The following EDC3 variants were observed in gnomAD, a reference collection of about 807,000 sequenced individuals.
The protein encoded by EDC3 is enhancer of mRNA decapping 3.
EDC3 carries 20 observed loss-of-function variants against 41.8 expected under a neutral mutation model. The observed-to-expected ratio is 0.48, with a 90% CI of 0.34 to 0.70. The LOEUF is 0.70. Among genes scored for constraint, EDC3 ranks in the 30% least tolerant of loss-of-function variants. EDC3 has a pLI of 0.01. For missense variants in EDC3, 444 were observed against 636.8 expected (o/e 0.70, Z 3.26); for synonymous variants, 206 against 243.2 (o/e 0.85, Z 1.42).
intron 3 of EDC3, among the ~76,000 whole-genome samples, chr15:74,662,107 C>G (rs957993697): frequency 6.6e-5 from 10 of 152,142 alleles, no homozygotes; most frequent in Non-Finnish European, 1.3e-4. Context: ...ATCATACCTA[C>G]TGATTAACTT....
intron 2 of EDC3, among the ~76,000 whole-genome samples, chr15:74,672,550 T>C (rs146158717): frequency 6.6e-6 from 1 of 152,246 alleles, no homozygotes; most frequent in Non-Finnish European, 1.5e-5. Flanking sequence ...GCACCATGGC[T>C]CATGCCTATA....
chr15:74,677,444 T>C (rs969855321), intron 1 of EDC3, among the ~76,000 whole-genome samples: 4 of 150,010 alleles, frequency 2.7e-5, no homozygotes, highest in African/African-American at 7.4e-5. Context: ...TCTCAGCTCA[T>C]TGCAGCCTCT....
At position 74,663,640 on chromosome 15, in the gene EDC3, C is replaced by T. The variant is rs148881514; in HGVS notation, c.485-7572G>A. On this transcript the variant is annotated intron_variant, in intron 3 of 6. Coordinates refer to ENST00000315127, the MANE Select transcript of EDC3 (RefSeq NM_025083.5). ...CCCAAGCGTTTTGCGTTAAGAGATA[C>T]GCAACTTTTATTTGGGAGGAGAGAG... 3.4e-4 allele frequency among the ~76,000 whole-genome samples: 50 copies of T among 148,612 alleles called. 4 individuals are homozygous for T. The South Asian group carries it at 8.8e-3, about 26-fold the overall frequency.
At position 74,671,774 on chromosome 15, in the gene EDC3, C is replaced by T; in HGVS notation, c.165G>A (p.Arg55=). ...TTTTTAACTCCGTAATGTCACCTGCCCTGAAATACACAAAAAAGCCAAGTC... is the reference window on the plus strand; with the variant it reads ...TTTTTAACTCCGTAATGTCACCTGCTCTGAAATACACAAAAAAGCCAAGTC... ...VKCLVPEVTF[R]AGDITELKIL... The change falls in exon 3 of 7, where the codon AGG becomes AGA. Residue 55 remains arginine (R), a splice_region_variant and synonymous_variant. Transcript: ENST00000315127. This position sits in a 1 kb window ranked among gnomAD's most constrained non-coding sequence, Gnocchi z 4.6. The T allele has an allele frequency of 1.9e-6, 3 of 1,611,652 alleles. No individual in the cohort carries two copies. Among genetic ancestry groups the T allele is most frequent in the Non-Finnish European group, 2.5e-6 (3 of 1,178,366 alleles).
intron 2 of EDC3, among the ~76,000 whole-genome samples, chr15:74,673,074 C>T (rs755087398): frequency 4.0e-5 from 6 of 151,884 alleles, no homozygotes; most frequent in Non-Finnish European, 8.8e-5. Flanking sequence ...TATGGTGATA[C>T]TAAAGGGACG....
At chr15:74,664,285 C>G (rs2062654191) in intron 3 of EDC3, among the ~76,000 whole-genome samples, 3 of 152,256 alleles carry the variant, frequency 2.0e-5, no homozygotes, top group Admixed American at 2.0e-4. Context: ...GCTTACTCAT[C>G]CCAAAGGGCC....
intron 2 of EDC3, among the ~76,000 whole-genome samples, chr15:74,674,445 C>CA (rs1286413588): frequency 1.3e-5 from 2 of 152,140 alleles, no homozygotes; most frequent in Admixed American, 1.3e-4. Flanking sequence ...GAGATACTGT[C>CA]AGTGAATTTG....
chr15:74,663,395 G>C (rs906930320), intron 3 of EDC3, among the ~76,000 whole-genome samples: 2 of 152,160 alleles, frequency 1.3e-5, no homozygotes, highest in African/African-American at 4.8e-5. Flanking sequence ...TAAGCAGTGC[G>C]CTAACCACTG....
chr15:74,648,091 C>G (rs992468482), intron 4 of EDC3, among the ~76,000 whole-genome samples: 1 of 152,188 alleles, frequency 6.6e-6, no homozygotes, highest in Non-Finnish European at 1.5e-5. Context: ...ACTTGATTCT[C>G]TCAATGGGAA....
chr15:74,649,788 A>G (rs1470553068), intron 4 of EDC3, among the ~76,000 whole-genome samples: 2 of 146,672 alleles, frequency 1.4e-5, no homozygotes, highest in Non-Finnish European at 3.0e-5. Context: ...ACATCTCCCT[A>G]TCCCTCATTG....
At chr15:74,673,591 C>T (rs796136593) in intron 2 of EDC3, among the ~76,000 whole-genome samples, 2 of 152,010 alleles carry the variant, frequency 1.3e-5, no homozygotes, top group African/African-American at 4.8e-5. Context: ...AATCCCAGCA[C>T]TTTGGGAGGC....
At chr15:74,668,729 T>TGAATGAAA (rs1555455855) in intron 3 of EDC3, among the ~76,000 whole-genome samples, 3 of 140,234 alleles carry the variant, frequency 2.1e-5, no homozygotes, top group Non-Finnish European at 3.0e-5. Flanking sequence ...CAAAAATGAA[T>TGAATGAAA]GAAAGAAAGA....
rs112697815 is a variant in EDC3, at chr15:74,632,799, T to C, written c.1340A>G (p.His447Arg). Residue 447 changes from histidine to arginine, a missense_variant, in exon 7 of 7, where the codon CAT (histidine) becomes CGT (arginine). Around this residue, in one of 3 missense-constraint regions of EDC3, gnomAD observed 242 missense variants for 363.8 expected, o/e 0.67. Coordinates refer to ENST00000315127, the MANE Select transcript of EDC3 (RefSeq NM_025083.5). The surrounding 1 kb of genome is among the most constrained non-coding windows in gnomAD (Gnocchi z 4.0). ...GGCATCAATGCCCTGTTCGACTTCA[T>C]GCACAGGAGGGTCTATGCTGAGTAC... ...APVLSIDPPV[H>R]EVEQGIDAKW... is the part of the protein sequence containing the mutation. The C allele has an allele frequency of 6.2e-6, 10 of 1,614,240 alleles. No individual in the cohort carries two copies. The highest frequency in any genetic ancestry group is 2.2e-5 in the South Asian group (2 of 91,088).
intron 4 of EDC3, chr15:74,644,185 A>G (rs2062386005): frequency 6.6e-6 from 1 of 152,130 alleles, no homozygotes; most frequent in African/African-American, 2.4e-5. Flanking sequence ...TGGCCTGTCT[A>G]CCTCACTACC....
chr15:74,668,051 T>C (rs1238586226), intron 3 of EDC3, among the ~76,000 whole-genome samples: 3 of 152,200 alleles, frequency 2.0e-5, no homozygotes, highest in Non-Finnish European at 4.4e-5. Context: ...ATGAAAATGG[T>C]ACTTTACCTC....
Position 74,630,711 on chromosome 15 carries a change from T to G in EDC3, c.*1901A>C, listed in dbSNP as rs1302168175. On this transcript the variant is annotated 3_prime_UTR_variant, in exon 7 of 7. Transcript: ENST00000315127. ...AGAACTGAAGACAGAGGAATCATACTTCTCTTTAATACCTCTGGGGAAGGC... is the reference window on the plus strand; with the variant it reads ...AGAACTGAAGACAGAGGAATCATACGTCTCTTTAATACCTCTGGGGAAGGC... 1 of 152,244 alleles carries G rather than the reference T, an allele frequency of 6.6e-6. No individual in the cohort carries two copies. The highest frequency in any genetic ancestry group is 6.5e-5 in the Admixed American group (1 of 15,288). 9.4% of individuals were successfully genotyped at this position (152,244 alleles called of 1,614,324 possible).
intron 3 of EDC3, among the ~76,000 whole-genome samples, chr15:74,659,490 ATAT>A (rs2062595949): frequency 3.5e-3 from 2 of 566 alleles, no homozygotes; most frequent in East Asian, 0.042. Flanking sequence ...AAATAGAAAT[ATAT>A]ATATATATAT....
intron 1 of EDC3, among the ~76,000 whole-genome samples, chr15:74,682,918 A>T (rs1239048593): frequency 2.6e-5 from 4 of 151,980 alleles, no homozygotes; most frequent in Non-Finnish European, 5.9e-5. Flanking sequence ...GCTACTCGGG[A>T]GGCTGAGGCG....
chr15:74,660,010 A>C (rs1030161394), intron 3 of EDC3, among the ~76,000 whole-genome samples: 5 of 151,544 alleles, frequency 3.3e-5, no homozygotes, highest in African/African-American at 1.2e-4. Flanking sequence ...ACGCCACTGC[A>C]CTCCAGCCTG....
Sources: gnomAD v4.1 joint callset for allele counts (sites outside exome capture counted in the v4.1 genomes callset) on GRCh38, gnomAD v4.1.1 for gene constraint, gnomAD v4.1.1 regional missense constraint, Gnocchi (gnomAD v3.1) non-coding constraint, MANE v1.5 for transcripts, NCBI Gene and HGNC (gene_info 2026-07-23, HGNC 2026-07-21) for gene names.